Variants in TXNRD2 observed in about 807,000 individuals in gnomAD.
The protein encoded by TXNRD2 is thioredoxin reductase 2, mitochondrial.
Under a neutral mutation model 70.8 loss-of-function variants are expected in TXNRD2, and 67 were observed. The ratio of observed to expected loss-of-function variants is 0.95; its 90% CI spans 0.78 to 1.16. The LOEUF is 1.16. TXNRD2 is among the 50% of genes most tolerant of loss of function. The pLI is 0.00. For synonymous variants in TXNRD2, 301 were observed against 295.8 expected, an observed-to-expected ratio of 1.02 and a Z score of -0.18; for missense variants, 644 against 719.9, an observed-to-expected ratio of 0.89 and a Z score of 1.21.
intron 2 of TXNRD2, among the ~76,000 whole-genome samples, chr22:19,927,699 A>G (rs1941205579): frequency 1.3e-5 from 2 of 151,514 alleles, no homozygotes; most frequent in Non-Finnish European, 2.9e-5. Context: ...GAAAAGAAAG[A>G]AAAAGAAAAA....
chr22:19,889,203 A>G (rs1939159757), intron 11 of TXNRD2, among the ~76,000 whole-genome samples: 1 of 152,152 alleles, frequency 6.6e-6, no homozygotes. Flanking sequence ...GCCTATGTGC[A>G]TTATGATGTG....
At chr22:19,922,003 C>G (rs981453960) in intron 2 of TXNRD2, among the ~76,000 whole-genome samples, 2 of 152,210 alleles carry the variant, frequency 1.3e-5, no homozygotes, top group African/African-American at 4.8e-5. Context: ...AAGGATCAAA[C>G]TGACTCTTAA....
At chr22:19,934,611 G>A (rs1428124452) in intron 1 of TXNRD2, among the ~76,000 whole-genome samples, 1 of 149,156 alleles carries the variant, frequency 6.7e-6, no homozygotes, top group African/African-American at 2.5e-5. Flanking sequence ...CGCCCAGGCT[G>A]GGGTGCAGTG....
intron 1 of TXNRD2, among the ~76,000 whole-genome samples, chr22:19,935,246 C>G (rs916504936): frequency 2.0e-5 from 3 of 152,114 alleles, no homozygotes; most frequent in Non-Finnish European, 2.9e-5. Flanking sequence ...GGTCTGTAAA[C>G]GGCCACTCTG....
At chr22:19,933,454 C>G in intron 1 of TXNRD2, 1 of 1,289,786 alleles carries the variant, frequency 7.8e-7, no homozygotes, top group Non-Finnish European at 1.0e-6. Flanking sequence ...AGGTGCCTGT[C>G]CTTCTTGTTG....
chr22:19,934,393 A>AAAAAAC (rs1210721558), intron 1 of TXNRD2, among the ~76,000 whole-genome samples: 1 of 151,000 alleles, frequency 6.6e-6, no homozygotes, highest in Non-Finnish European at 1.5e-5. Context: ...AAAAAAAAAA[A>AAAAAAC]AAAAAAAACT....
rs745807221 is a variant in TXNRD2 at position 19,877,167 on chromosome 22, C to T, written c.1513G>A (p.Val505Ile). 3.1e-6 allele frequency: 5 copies of T among 1,610,688 alleles called. No individual in the cohort carries two copies. In the South Asian group the frequency reaches 5.5e-5, roughly 18 times the overall value. Residue 505 changes from valine (V) to isoleucine (I), a missense_variant, in exon 17 of 18, where the codon GTC (valine) becomes ATC (isoleucine). By Grantham distance (29) the Val-to-Ile change is conservative. Transcript: ENST00000400521. ...GIHPTCSEEV[V>I]KLRISKRSGL... ...GAGCGCTTGGAGATGCGCAGCTTGACTACCTCCTCAGAGCATGTGGGATGG... is the reference window on the plus strand; with the variant it reads ...GAGCGCTTGGAGATGCGCAGCTTGATTACCTCCTCAGAGCATGTGGGATGG...
At chr22:19,913,433 C>CA (rs1234135170) in intron 7 of TXNRD2, among the ~76,000 whole-genome samples, 3 of 151,180 alleles carry the variant, frequency 2.0e-5, no homozygotes, top group Non-Finnish European at 4.4e-5. Context: ...AAAGCCCCCC[C>CA]ACAAAGAAGA....
Position 19,918,963 on chromosome 22 carries a change from A to G in TXNRD2, c.271T>C (p.Cys91Arg), listed in dbSNP as rs371539674. Residue 91 changes from cysteine (C) to arginine (R), a missense_variant, in exon 4 of 18, where the codon TGC becomes CGC. Transcript: ENST00000400521. ...TGGTGCATCAGCTTCTTGGGGATGC[A>G]GCCCACGTTGACGCAGGTGCCGCCG... ...GLGGTCVNVG[C>R]IPKKLMHQAA... is the part of the protein sequence containing the mutation. 3 of 1,612,568 alleles carry G rather than the reference A, an allele frequency of 1.9e-6. No individual in the cohort carries two copies. The highest frequency in any genetic ancestry group is 2.7e-5 in the African/African-American group (2 of 74,848).
At chr22:19,877,997 A>C in intron 16 of TXNRD2, 93 bp downstream of exon 16, 1 of 1,082,038 alleles carries the variant, frequency 9.2e-7, no homozygotes, top group East Asian at 2.6e-5. Flanking sequence ...TAAATGCCGC[A>C]AGAGTGGCAG....
intron 2 of TXNRD2, among the ~76,000 whole-genome samples, chr22:19,924,882 C>G (rs930199865): frequency 6.6e-6 from 1 of 151,312 alleles, no homozygotes; most frequent in Non-Finnish European, 1.5e-5. Flanking sequence ...TAAAAGCAAC[C>G]AAGACACACT....
intron 2 of TXNRD2, among the ~76,000 whole-genome samples, chr22:19,921,450 G>C (rs896672530): frequency 1.3e-5 from 2 of 150,226 alleles, no homozygotes; most frequent in African/African-American, 4.9e-5. Flanking sequence ...GTGCCAGTGT[G>C]TAACTCCCAC....
intron 11 of TXNRD2, among the ~76,000 whole-genome samples, chr22:19,886,097 G>A (rs544972270): frequency 7.2e-4 from 110 of 152,392 alleles, no homozygotes; most frequent in African/African-American, 2.5e-3. Flanking sequence ...TGGCCCTGCA[G>A]GGACTCCACA....
At chr22:19,892,212 G>T (rs1345659096) in intron 11 of TXNRD2, among the ~76,000 whole-genome samples, 1 of 152,250 alleles carries the variant, frequency 6.6e-6, no homozygotes, top group East Asian at 1.9e-4. Flanking sequence ...ATCCTTTATT[G>T]CAAGTAGAAA....
intron 14 of TXNRD2, among the ~76,000 whole-genome samples, chr22:19,879,570 C>T (rs1306959351): frequency 5.0e-5 from 7 of 140,564 alleles, no homozygotes; most frequent in African/African-American, 1.3e-4. Context: ...GGGGGGCTCT[C>T]GCCTGGGAGA....
At chr22:19,937,112 A>G (rs921715260) in intron 1 of TXNRD2, among the ~76,000 whole-genome samples, 36 of 152,294 alleles carry the variant, frequency 2.4e-4, no homozygotes, top group African/African-American at 8.2e-4. Context: ...AAGCTGTTCT[A>G]ACTCCATCTC....
intron 8 of TXNRD2, among the ~76,000 whole-genome samples, chr22:19,909,800 ACACACACCACTCACACACACAC>A (rs1940284738): frequency 8.8e-6 from 1 of 113,360 alleles, no homozygotes; most frequent in South Asian, 3.0e-4. Flanking sequence ...CACACCACTC[ACACACACCACTCACACACACAC>A]CACACACCAC....
At chr22:19,878,013 C>T in intron 16 of TXNRD2, 77 bp downstream of exon 16, 1 of 1,237,996 alleles carries the variant, frequency 8.1e-7, no homozygotes, top group Non-Finnish European at 1.2e-6. Context: ...GGCAGCAGCT[C>T]TCCACTGTAG....
intron 11 of TXNRD2, among the ~76,000 whole-genome samples, chr22:19,890,599 C>T (rs191357238): frequency 6.6e-6 from 1 of 152,152 alleles, no homozygotes; most frequent in Admixed American, 6.6e-5. Context: ...CCACACCCAC[C>T]GCGGCCCCTA....
Sources: allele counts gnomAD v4.1 joint callset (sites outside exome capture counted in the v4.1 genomes callset), GRCh38; gene constraint gnomAD v4.1.1; transcripts MANE v1.5; gene names NCBI Gene and HGNC (gene_info 2026-07-23, HGNC 2026-07-21).